HPS5: variants seen among roughly 807,000 people sequenced by gnomAD.
HPS5 encodes the protein HPS5 biogenesis of lysosomal organelles complex 2 subunit 2.
In HPS5, 83 loss-of-function variants were observed where a neutral mutation model predicts 128.0. The ratio of observed to expected loss-of-function variants is 0.65; its 90% CI spans 0.54 to 0.78. HPS5 has a LOEUF of 0.78. HPS5 is among the 30% of genes least tolerant of loss of function. HPS5 has a pLI of 0.00. For missense variants in HPS5, 1,281 were observed against 1,326.2 expected, an observed-to-expected ratio of 0.97 and a Z score of 0.53; for synonymous variants, 475 against 470.2, an observed-to-expected ratio of 1.01 and a Z score of -0.13.
intron 16 of HPS5, among the ~76,000 whole-genome samples, chr11:18,289,485 A>G (rs957517216): frequency 5.9e-5 from 9 of 152,176 alleles, no homozygotes; most frequent in African/African-American, 2.2e-4. Context: ...GATACAGTAA[A>G]TTTCCAATGA....
chr11:18,321,800 T>C (rs552940848), intron 1 of HPS5, 146 bp downstream of exon 1: 1 of 152,194 alleles, frequency 6.6e-6, no homozygotes, highest in East Asian at 1.9e-4. Flanking sequence ...CTCAGACAAA[T>C]GGCGACTGAC....
chr11:18,305,013 C>G lies in HPS5; in HGVS notation c.896+409G>C, dbSNP rs924320418. 3.9e-5 allele frequency among the ~76,000 whole-genome samples: 6 copies of G among 152,342 alleles called. No homozygotes were observed. In the South Asian group the frequency reaches 1.0e-3, roughly 26 times the overall value. Reference sequence around the variant, plus strand: ...GTCAGAGTACCTATAGGATAGAGAGCTGAAATTTCACCAAGCTTACAAGAA... The same window carrying G: ...GTCAGAGTACCTATAGGATAGAGAGGTGAAATTTCACCAAGCTTACAAGAA... On this transcript the variant is annotated intron_variant, in intron 8 of 22. Transcript: ENST00000349215.
At chr11:18,297,778 AAT>A in intron 10 of HPS5, 61 bp from the exon 11 acceptor site, 2 of 1,509,000 alleles carry the variant, frequency 1.3e-6, no homozygotes, top group Non-Finnish European at 1.8e-6. Context: ...TCAAATGGCC[AAT>A]ATATTGAAAG....
chr11:18,299,351 G>C (rs530355308), intron 9 of HPS5, among the ~76,000 whole-genome samples: 1 of 152,292 alleles, frequency 6.6e-6, no homozygotes, highest in African/African-American at 2.4e-5. Context: ...TCAATATACA[G>C]TTCATGAGAA....
chr11:18,281,115 T>C (rs182137410), intron 22 of HPS5, among the ~76,000 whole-genome samples: 54 of 151,950 alleles, frequency 3.6e-4, no homozygotes, highest in African/African-American at 1.2e-3. Context: ...TTTGCTCTTG[T>C]TGCCCAGGGT....
chr11:18,317,622 C>G, intron 2 of HPS5, 129 bp downstream of exon 2: 1 of 859,280 alleles, frequency 1.2e-6, no homozygotes, highest in South Asian at 1.6e-5. Context: ...TTTTTTTTCC[C>G]CCACAAAAGT....
chr11:18,308,040 T>C (rs1455441992), intron 6 of HPS5, among the ~76,000 whole-genome samples: 1 of 152,170 alleles, frequency 6.6e-6, no homozygotes, highest in Admixed American at 6.5e-5. Flanking sequence ...AGAAATATGA[T>C]AGCTGCCAGG....
chr11:18,295,007 T>G lies in HPS5; in HGVS notation c.1784+13A>C. On this transcript the variant is annotated intron_variant, in intron 14 of 22. Coordinates refer to ENST00000349215, the MANE Select transcript of HPS5 (RefSeq NM_181507.2). ...TCCCTAGAATGTATAGAGATTTATG[T>G]GTAAGGGCTTACTCAGTGTCTTCCT... 6.2e-7 allele frequency: 1 copy of G among 1,613,738 alleles called. No individual in the cohort carries two copies. Among genetic ancestry groups the G allele is most frequent in the Non-Finnish European group, 8.5e-7 (1 of 1,179,686 alleles).
chr11:18,316,538 G>C (rs1453729159), intron 2 of HPS5, among the ~76,000 whole-genome samples: 1 of 152,098 alleles, frequency 6.6e-6, no homozygotes, highest in Admixed American at 6.6e-5. Context: ...TGGTTTCCAG[G>C]GATGGTAAAT....
At chr11:18,318,399 C>G (rs1863896223) in intron 1 of HPS5, among the ~76,000 whole-genome samples, 1 of 152,198 alleles carries the variant, frequency 6.6e-6, no homozygotes, top group Non-Finnish European at 1.5e-5. Context: ...AGACTTCTCT[C>G]TTCAACCGAG....
At chr11:18,321,444 A>G (rs561608702) in intron 1 of HPS5, among the ~76,000 whole-genome samples, 3 of 152,248 alleles carry the variant, frequency 2.0e-5, no homozygotes, top group Non-Finnish European at 4.4e-5. Context: ...CTAAGAACAT[A>G]GAAGTTGGCG....
chr11:18,309,029 G>A lies in HPS5; in HGVS notation c.528C>T (p.Asp176=), dbSNP rs763722133. ...MFPVQTITTV[D]SCVVQLDYLD... is the part of the protein sequence containing the mutation. ...AATAATCTAACTGTACAACACAGGAGTCAACAGTTGTGATTGTCTGAACAG... is the reference window on the plus strand; with the variant it reads ...AATAATCTAACTGTACAACACAGGAATCAACAGTTGTGATTGTCTGAACAG... Residue 176 remains aspartate (D), a synonymous_variant, in exon 6 of 23, where the codon GAC becomes GAT. Transcript: ENST00000349215. 6.2e-7 allele frequency: 1 copy of A among 1,613,492 alleles called. No homozygotes were observed. The highest frequency in any genetic ancestry group is 1.3e-5 in the African/African-American group (1 of 75,026).
chr11:18,281,485 C>T (rs2134199980), intron 22 of HPS5, among the ~76,000 whole-genome samples: 1 of 150,524 alleles, frequency 6.6e-6, no homozygotes, highest in East Asian at 2.0e-4. Context: ...CTGCAACCTC[C>T]ACCTTCCGAG....
chr11:18,317,626 CA>C (rs1863802263), intron 2 of HPS5, 124 bp downstream of exon 2: 2 of 900,256 alleles, frequency 2.2e-6, no homozygotes, highest in Non-Finnish European at 3.5e-6. Context: ...TTTTCCCCCA[CA>C]AAAGTATGAC....
rs1163565496 is a variant in HPS5 at position 18,306,332 on chromosome 11, T to C, written c.627A>G (p.Lys209=). 1.2e-6 allele frequency: 2 copies of C among 1,613,622 alleles called. No individual in the cohort carries two copies. Among genetic ancestry groups the C allele is most frequent in the East Asian group, 4.5e-5 (2 of 44,892 alleles). ...LCDTEREKFW[K]IGNKERDGEY... is the part of the protein sequence containing the mutation. ...CTCCATCTCTTTCCTTGTTTCCAAT[T>C]TTCCAAAACTTTTCTCTAACATCCA... The change falls in exon 7 of 23, where the codon AAA becomes AAG. Residue 209 remains lysine, a synonymous_variant. Coordinates refer to ENST00000349215, the MANE Select transcript of HPS5 (RefSeq NM_181507.2).
At position 18,292,882 on chromosome 11, in the gene HPS5, T is replaced by A; in HGVS notation, c.1862+17A>T. ...CTGCCTTGAGACGTCACTATAAAAGTTTCTCATTATACTCACATTGCTTCT... is the reference window on the plus strand; with the variant it reads ...CTGCCTTGAGACGTCACTATAAAAGATTCTCATTATACTCACATTGCTTCT... On this transcript the variant is annotated intron_variant, in intron 15 of 22. Coordinates refer to ENST00000349215, the MANE Select transcript of HPS5 (RefSeq NM_181507.2). 3.8e-6 allele frequency: 6 copies of A among 1,597,962 alleles called. No individual in the cohort carries two copies. The highest frequency in any genetic ancestry group is 5.1e-6 in the Non-Finnish European group (6 of 1,165,242).
intron 3 of HPS5, 91 bp from the exon 4 acceptor site, chr11:18,311,542 G>A (rs1282264484): frequency 1.4e-5 from 9 of 635,556 alleles, no homozygotes; most frequent in East Asian, 7.9e-5. Flanking sequence ...ACTGAGTCTC[G>A]CTCTGTTGCC....
chr11:18,321,957 C>G lies in HPS5; in HGVS notation c.-61G>C, dbSNP rs1298259115. On this transcript the variant is annotated 5_prime_UTR_variant, in exon 1 of 23. Transcript: ENST00000349215. ...AGTGGAACTACTACCTTTTTAACAG[C>G]AGTAACTTTAATATCTTGAGATTTC... is the stretch of plus-strand genomic sequence containing the variant. The G allele has an allele frequency of 1.3e-5, 2 of 152,264 alleles. No individual in the cohort carries two copies. Among genetic ancestry groups the G allele is most frequent in the Non-Finnish European group, 2.9e-5 (2 of 68,080 alleles). 9.4% of individuals were successfully genotyped at this position (152,264 alleles called of 1,614,324 possible).
At chr11:18,315,405 G>C (rs1353636626) in intron 2 of HPS5, among the ~76,000 whole-genome samples, 2 of 152,108 alleles carry the variant, frequency 1.3e-5, no homozygotes, top group South Asian at 4.1e-4. Context: ...CTGAGGCTAG[G>C]AGTTTGGGAC....
Sources: gnomAD v4.1 joint callset for allele counts (sites outside exome capture counted in the v4.1 genomes callset) on GRCh38, gnomAD v4.1.1 for gene constraint, MANE v1.5 for transcripts, NCBI Gene and HGNC (gene_info 2026-07-23, HGNC 2026-07-21) for gene names.